The following ACACA variants were observed in gnomAD, a reference collection of about 807,000 sequenced individuals.
The protein encoded by ACACA is acetyl-CoA carboxylase alpha, also known as acetyl-CoA carboxylase 1.
Under a neutral mutation model 296.1 loss-of-function variants are expected in ACACA, and 103 were observed. That is an observed-to-expected ratio of 0.35 (90% CI 0.30 to 0.41). The LOEUF is 0.41. Among genes scored for constraint, ACACA ranks in the 10% least tolerant of loss-of-function variants. The pLI is 1.00. For synonymous variants in ACACA, 953 were observed against 1,038.6 expected (o/e 0.92, Z 1.58); for missense variants, 1,554 against 2,989.7 (o/e 0.52, Z 11.20).
intron 9 of ACACA, among the ~76,000 whole-genome samples, chr17:37,271,826 G>A (rs967682993): frequency 6.6e-6 from 1 of 151,570 alleles, no homozygotes; most frequent in African/African-American, 2.4e-5. Flanking sequence ...CAAAAAATTA[G>A]CTGGGCGTGG....
At chr17:37,357,871 CTGA>C (rs1321136178) in intron 1 of ACACA, among the ~76,000 whole-genome samples, 1 of 152,062 alleles carries the variant, frequency 6.6e-6, no homozygotes, top group East Asian at 1.9e-4. Context: ...TTCTTCCCTG[CTGA>C]GTGAGAAAAG....
intron 3 of ACACA, among the ~76,000 whole-genome samples, chr17:37,306,159 C>T (rs2083876738): frequency 6.6e-6 from 1 of 152,046 alleles, no homozygotes; most frequent in Non-Finnish European, 1.5e-5. Flanking sequence ...CCGCCCACCT[C>T]GGCCTCCCAA....
chr17:37,363,190 T>C (rs1597712872), intron 1 of ACACA, among the ~76,000 whole-genome samples: 1 of 128,602 alleles, frequency 7.8e-6, no homozygotes, highest in South Asian at 2.8e-4. Context: ...TTTTTTTTTT[T>C]TTTTTTTTTT....
chr17:37,380,405 C>T (rs1368642987), intron 1 of ACACA, among the ~76,000 whole-genome samples: 1 of 151,484 alleles, frequency 6.6e-6, no homozygotes, highest in African/African-American at 2.4e-5. Context: ...TGCACATGTA[C>T]CCTAAAACTT....
chr17:37,201,256 TG>T (rs2078233713), intron 33 of ACACA, among the ~76,000 whole-genome samples: 2 of 152,032 alleles, frequency 1.3e-5, no homozygotes, highest in Non-Finnish European at 2.9e-5. Context: ...CTGGCCAACA[TG>T]GCAAAACCCT....
intron 2 of ACACA, among the ~76,000 whole-genome samples, chr17:37,331,095 A>ATTTG (rs2047858362): frequency 1.3e-5 from 1 of 77,392 alleles, no homozygotes; most frequent in Non-Finnish European, 2.5e-5. Context: ...TTTATTTTTC[A>ATTTG]TTTATTTATT....
chr17:37,263,051 A>G (rs1030738168), intron 11 of ACACA, among the ~76,000 whole-genome samples: 1 of 152,198 alleles, frequency 6.6e-6, no homozygotes, highest in African/African-American at 2.4e-5. Flanking sequence ...TTTTGAAGGC[A>G]TCTTTATTAC....
chr17:37,362,731 G>C (rs1268291169), intron 1 of ACACA, among the ~76,000 whole-genome samples: 2 of 152,120 alleles, frequency 1.3e-5, no homozygotes, highest in African/African-American at 4.8e-5. Context: ...AGCACTTTGG[G>C]AGGCCGAGGC....
intron 1 of ACACA, among the ~76,000 whole-genome samples, chr17:37,403,448 T>G (rs948222254): frequency 6.7e-6 from 1 of 149,894 alleles, no homozygotes; most frequent in African/African-American, 2.5e-5. Flanking sequence ...ACTGGGTCAA[T>G]GCAGCCTCAA....
At chr17:37,302,394 G>C (rs1348656502) in intron 3 of ACACA, among the ~76,000 whole-genome samples, 2 of 152,024 alleles carry the variant, frequency 1.3e-5, no homozygotes, top group Non-Finnish European at 2.9e-5. Context: ...ATTTTTAGTA[G>C]AGATGGGGTT....
At chr17:37,365,825 G>T in intron 1 of ACACA, 1 of 747,886 alleles carries the variant, frequency 1.3e-6, no homozygotes, top group Non-Finnish European at 1.6e-6. Context: ...TTTTCACATG[G>T]ACACAGGGTT....
chr17:37,406,461 G>C lies in ACACA; in HGVS notation c.-162C>G. 2 of 716,776 alleles carry C rather than the reference G, an allele frequency of 2.8e-6. No homozygotes were observed. The highest frequency in any genetic ancestry group is 3.1e-5 in the South Asian group (2 of 65,342). The allele number at this position is 716,776 out of a possible 1,614,324, so 44.4% of individuals were successfully genotyped here. A position where few individuals can be genotyped will look rare whatever the true frequency, so the allele number is the denominator to read the frequency against. On this transcript the variant is annotated 5_prime_UTR_variant, in exon 1 of 56. Transcript: ENST00000616317. ...ATCCACGAGCAGCCCTTCGGGGCCCGGACTGGAGAGGCGCCACGGCTCGCC... is the reference window on the plus strand; with the variant it reads ...ATCCACGAGCAGCCCTTCGGGGCCCCGACTGGAGAGGCGCCACGGCTCGCC...
chr17:37,191,384 G>A, intron 37 of ACACA, 109 bp from the exon 38 acceptor site: 1 of 1,109,246 alleles, frequency 9.0e-7, no homozygotes, highest in African/African-American at 1.6e-5. Flanking sequence ...AAGGCACTTG[G>A]TGAAGAGATT....
At position 37,304,481 on chromosome 17, in the gene ACACA, T is replaced by C. The variant is rs559005173; in HGVS notation, c.339-19511A>G. On this transcript the variant is annotated intron_variant, in intron 3 of 55. Coordinates refer to ENST00000616317, the MANE Select transcript of ACACA (RefSeq NM_198834.3). ...TGAGAAGTTCTATTTATTGATTCAT[T>C]GTTGTCATGCTTAAAAAAACAGTAT... Among the ~76,000 whole-genome samples, 12 of 152,196 alleles carry C rather than the reference T, an allele frequency of 7.9e-5. No homozygotes were observed. The South Asian group carries it at 8.3e-4, about 11-fold the overall frequency.
At chr17:37,192,056 C>A in intron 37 of ACACA, 34 bp downstream of exon 37, 1 of 1,593,168 alleles carries the variant, frequency 6.3e-7, no homozygotes. Context: ...TCCCTTCCCT[C>A]AGGGATAACA....
chr17:37,087,018 C>A lies in ACACA; in HGVS notation c.*298G>T, dbSNP rs145093664. 9.2e-4 allele frequency: 438 copies of A among 477,572 alleles called. 3 individuals are homozygous for A. The highest frequency in any genetic ancestry group is 7.1e-3 in the African/African-American group (361 of 51,164). 29.6% of individuals were successfully genotyped at this position (477,572 alleles called of 1,614,324 possible). On this transcript the variant is annotated 3_prime_UTR_variant, in exon 56 of 56. Transcript: ENST00000616317. The stretch of plus-strand genomic sequence containing the variant: ...GGCAGCCCTACTTTGGTTAGTAAGA[C>A]CTCATGGTACATGTTTGTACCTTTC...
intron 33 of ACACA, among the ~76,000 whole-genome samples, chr17:37,202,710 T>TAC (rs1567807314): frequency 5.5e-5 from 1 of 18,184 alleles, no homozygotes; most frequent in African/African-American, 2.7e-4. Context: ...TATATATATA[T>TAC]ATACACACAC....
At position 37,170,321 on chromosome 17, in the gene ACACA, T is replaced by G. The variant is rs2076837377; in HGVS notation, c.5080-8271A>C. 2.0e-5 allele frequency among the ~76,000 whole-genome samples: 3 copies of G among 151,616 alleles called. No homozygotes were observed. The South Asian group carries it at 6.2e-4, about 31-fold the overall frequency. ...ACAGCTCAAGTGAGGGAGGAGGGGA[T>G]GGGAAGGAGAAAGCAAGCAGAAGAG... On this transcript the variant is annotated intron_variant, in intron 41 of 55. Coordinates refer to ENST00000616317, the MANE Select transcript of ACACA (RefSeq NM_198834.3).
At chr17:37,399,271 G>A (rs1159202618) in intron 1 of ACACA, among the ~76,000 whole-genome samples, 9 of 152,082 alleles carry the variant, frequency 5.9e-5, no homozygotes, top group African/African-American at 9.7e-5. Flanking sequence ...ATGAGCCACC[G>A]CACCAGGCCC....
Sources: allele counts gnomAD v4.1 joint callset (sites outside exome capture counted in the v4.1 genomes callset), GRCh38; gene constraint gnomAD v4.1.1; transcripts MANE v1.5; gene names NCBI Gene and HGNC (gene_info 2026-07-23, HGNC 2026-07-21).